The following PIK3R5 variants were observed in gnomAD, a reference collection of about 807,000 sequenced individuals.
PIK3R5 encodes the protein phosphoinositide 3-kinase regulatory subunit 5.
Under a neutral mutation model 94.9 loss-of-function variants are expected in PIK3R5, and 32 were observed. The ratio of observed to expected loss-of-function variants is 0.34; its 90% confidence interval spans 0.25 to 0.45. PIK3R5 has a LOEUF of 0.45. PIK3R5 is among the 20% of genes least tolerant of loss of function. PIK3R5 has a pLI of 1.00. For missense variants in PIK3R5, 853 were observed against 1,144.6 expected (o/e 0.75, Z 3.68); for synonymous variants, 443 against 479.4 (o/e 0.92, Z 0.99).
chr17:8,898,075 C>T, intron 5 of PIK3R5, among the ~76,000 whole-genome samples: 1 of 152,204 alleles, frequency 6.6e-6, no homozygotes, highest in East Asian at 1.9e-4. Flanking sequence ...TTCTGGAACA[C>T]CTGCCTCTAC....
intron 1 of PIK3R5, among the ~76,000 whole-genome samples, chr17:8,919,842 T>G (rs2090699522): frequency 1.3e-5 from 2 of 150,522 alleles, no homozygotes; most frequent in Non-Finnish European, 1.5e-5. Context: ...TCTCCTCTCC[T>G]TCTCTCTCTC....
Position 8,890,159 on chromosome 17 carries a change from T to G in PIK3R5, c.658-33A>C. 1 of 1,609,394 alleles carries G rather than the reference T, an allele frequency of 6.2e-7. No homozygotes were observed. The highest frequency in any genetic ancestry group is 8.5e-7 in the Non-Finnish European group (1 of 1,177,214). On this transcript the variant is annotated intron_variant, in intron 7 of 18. Transcript: ENST00000447110. The surrounding 1 kb of genome is among the most constrained non-coding windows in gnomAD (Gnocchi z 6.1). Reference sequence around the variant, plus strand: ...CCCAGGAGGAGATGGGCTTTGCTCCTGGACCGTGAGCTAGCTGTCCACCTG... The same window carrying G: ...CCCAGGAGGAGATGGGCTTTGCTCCGGGACCGTGAGCTAGCTGTCCACCTG...
At chr17:8,895,199 A>T (rs931426197) in intron 5 of PIK3R5, among the ~76,000 whole-genome samples, 2 of 152,324 alleles carry the variant, frequency 1.3e-5, no homozygotes, top group South Asian at 4.1e-4. Context: ...TACCATAGCT[A>T]CCATAGCGGA....
At chr17:8,947,965 C>A (rs1301792723) in intron 1 of PIK3R5, among the ~76,000 whole-genome samples, 2 of 146,178 alleles carry the variant, frequency 1.4e-5, no homozygotes, top group Non-Finnish European at 1.5e-5. Context: ...ATGGTGTGAA[C>A]CCGGGAGGCG....
In PIK3R5 at chr17:8,911,652, C is replaced by T; in HGVS notation, c.-13-145G>A. 1 of 595,734 alleles carries T rather than the reference C, an allele frequency of 1.7e-6. No homozygotes were observed. The allele number at this position is 595,734 out of a possible 1,614,324, so 36.9% of individuals were successfully genotyped here. ...GGTGCTGTGGAAACAGGACCAGGGG[C>T]CTTACAGCTGCCTCCAGGGTAGGAA... is the stretch of plus-strand genomic sequence containing the variant. On this transcript the variant is annotated intron_variant, in intron 1 of 18. Coordinates refer to ENST00000447110, the MANE Select transcript of PIK3R5 (RefSeq NM_001142633.3). This position sits in a 1 kb window ranked among gnomAD's most constrained non-coding sequence, Gnocchi z 5.3.
chr17:8,916,704 T>C (rs1211565816), intron 1 of PIK3R5: 2 of 152,406 alleles, frequency 1.3e-5, no homozygotes, highest in Non-Finnish European at 2.9e-5. Flanking sequence ...CCACTTTTTC[T>C]TCCCATGTTG....
Position 8,890,801 on chromosome 17 carries a change from C to A in PIK3R5, c.594G>T (p.Leu198=), listed in dbSNP as rs757081899. The change falls in exon 7 of 19, where the codon CTG becomes CTT. Residue 198 remains leucine (L), a synonymous_variant. Coordinates refer to ENST00000447110, the MANE Select transcript of PIK3R5 (RefSeq NM_001142633.3). This position sits in a 1 kb window ranked among gnomAD's most constrained non-coding sequence, Gnocchi z 6.1. ...CCCCAAAGGTGGCCTGGAAGGCGTG[C>A]AGGAGCAGGGTGGTGTAGGCACTGT... is the stretch of plus-strand genomic sequence containing the variant. ...SPHSAYTTLL[L]HAFQATFGAH... The A allele has an allele frequency of 2.5e-5, 41 of 1,613,010 alleles. No homozygotes were observed. The highest frequency in any genetic ancestry group is 3.4e-5 in the Non-Finnish European group (40 of 1,179,658).
intron 1 of PIK3R5, among the ~76,000 whole-genome samples, chr17:8,917,441 G>A (rs1473672328): frequency 6.6e-6 from 1 of 152,210 alleles, no homozygotes; most frequent in African/African-American, 2.4e-5. Context: ...GGGAATGAAA[G>A]CACTAACTTC....
At position 8,889,158 on chromosome 17, in the gene PIK3R5, G is replaced by C; in HGVS notation, c.876C>G (p.Ser292Arg). ...PIPVARCYTY[S>R]WSQDSFDILQ... ...CCTTACCAAAGCTGTCCTGGCTCCAGCTGTAGGTGTAGCACCTGGCGACAG... is the reference window on the plus strand; with the variant it reads ...CCTTACCAAAGCTGTCCTGGCTCCACCTGTAGGTGTAGCACCTGGCGACAG... The change falls in exon 9 of 19, where the codon AGC (serine) becomes AGG (arginine). Residue 292 changes from serine (S) to arginine (R), a missense_variant. This residue lies in a region of PIK3R5 where 161 missense variants were observed against 249.5 expected (regional missense o/e 0.65). Coordinates refer to ENST00000447110, the MANE Select transcript of PIK3R5 (RefSeq NM_001142633.3). The surrounding 1 kb of genome is among the most constrained non-coding windows in gnomAD (Gnocchi z 4.1). 1 of 1,614,024 alleles carries C rather than the reference G, an allele frequency of 6.2e-7. No homozygotes were observed. Among genetic ancestry groups the C allele is most frequent in the Non-Finnish European group, 8.5e-7 (1 of 1,179,926 alleles).
Position 8,880,724 on chromosome 17 carries a change from G to A in PIK3R5, c.2558C>T (p.Pro853Leu). 1 of 1,613,980 alleles carries A rather than the reference G, an allele frequency of 6.2e-7. No homozygotes were observed. Among genetic ancestry groups the A allele is most frequent in the Non-Finnish European group, 8.5e-7 (1 of 1,179,908 alleles). The change falls in exon 19 of 19, where the codon CCT becomes CTT. Residue 853 changes from proline to leucine, a missense_variant. Physicochemically the swap from Pro to Leu is moderately conservative, Grantham distance 98. Transcript: ENST00000447110. ...TGCGGCCTGGGCCGGCAGGTCAGGAGGCGTCTGGGGTGGTGAGGAGAGGTC... is the reference window on the plus strand; with the variant it reads ...TGCGGCCTGGGCCGGCAGGTCAGGAAGCGTCTGGGGTGGTGAGGAGAGGTC... ...KSDLSSPPQT[P>L]PDLPAQAAPD...
chr17:8,893,757 C>T lies in PIK3R5; in HGVS notation c.413-102G>A. On this transcript the variant is annotated intron_variant, in intron 5 of 18. Transcript: ENST00000447110. This position sits in a 1 kb window ranked among gnomAD's most constrained non-coding sequence, Gnocchi z 5.1. ...GCACTGGACAATCAGGTTGGAAATTCCCGGATGGAGCTCAGGCGAACCTGC... is the reference window on the plus strand; with the variant it reads ...GCACTGGACAATCAGGTTGGAAATTTCCGGATGGAGCTCAGGCGAACCTGC... The T allele has an allele frequency of 1.1e-6, 1 of 896,348 alleles. No homozygotes were observed. Among genetic ancestry groups the T allele is most frequent in the Non-Finnish European group, 1.8e-6 (1 of 549,618 alleles). The allele number at this position is 896,348 out of a possible 1,614,324, so 55.5% of individuals were successfully genotyped here. A position where few individuals can be genotyped will look rare whatever the true frequency, so the allele number is the denominator to read the frequency against.
At chr17:8,919,148 AAG>A (rs2090683669) in intron 1 of PIK3R5, among the ~76,000 whole-genome samples, 2 of 152,332 alleles carry the variant, frequency 1.3e-5, no homozygotes, top group South Asian at 4.1e-4. Context: ...GTAGAACAGA[AAG>A]AGAACATTAG....
intron 1 of PIK3R5, among the ~76,000 whole-genome samples, chr17:8,951,251 T>C (rs1373883183): frequency 1.3e-5 from 2 of 152,208 alleles, no homozygotes; most frequent in African/African-American, 2.4e-5. Flanking sequence ...ATTCTGTAGG[T>C]TGTGTGTGTA....
intron 1 of PIK3R5, among the ~76,000 whole-genome samples, chr17:8,954,365 G>A (rs2091431328): frequency 1.3e-5 from 2 of 152,190 alleles, no homozygotes; most frequent in Admixed American, 1.3e-4. Flanking sequence ...GGTGATGTTC[G>A]AAGAATCTCC....
intron 5 of PIK3R5, among the ~76,000 whole-genome samples, chr17:8,902,918 G>T (rs2090319911): frequency 6.6e-6 from 1 of 150,784 alleles, no homozygotes; most frequent in Admixed American, 6.6e-5. Flanking sequence ...GATCTCGGAG[G>T]CACTTGAACC....
chr17:8,949,984 TACATTATTAAAAG>T (rs1364190364), intron 1 of PIK3R5, among the ~76,000 whole-genome samples: 6 of 152,220 alleles, frequency 3.9e-5, no homozygotes, highest in African/African-American at 1.4e-4. Context: ...ACATTCTCTA[TACATTATTAAAAG>T]ACAGTTTGTG....
At chr17:8,929,900 A>T (rs1347605779) in intron 1 of PIK3R5, among the ~76,000 whole-genome samples, 1 of 152,232 alleles carries the variant, frequency 6.6e-6, no homozygotes, top group African/African-American at 2.4e-5. Context: ...AAAATCCCAG[A>T]CTTAACAACT....
In PIK3R5 at chr17:8,889,173, C is replaced by T. The variant is rs768534293; in HGVS notation, c.861G>A (p.Arg287=). The change falls in exon 9 of 19, where the codon AGG becomes AGA. Residue 287 remains arginine (R), a synonymous_variant. Transcript: ENST00000447110. The surrounding 1 kb of genome is among the most constrained non-coding windows in gnomAD (Gnocchi z 4.1). ...CCTGGCTCCAGCTGTAGGTGTAGCA[C>T]CTGGCGACAGGGATGGGGATGGTGT... ...KLHTIPIPVA[R]CYTYSWSQDS... 100 of 1,613,940 alleles carry T rather than the reference C, an allele frequency of 6.2e-5. No individual in the cohort carries two copies. The highest frequency in any genetic ancestry group is 5.5e-4 in the South Asian group (50 of 91,086).
chr17:8,881,119 T>C lies in PIK3R5; in HGVS notation c.2383-102A>G. On this transcript the variant is annotated intron_variant, in intron 17 of 18. Coordinates refer to ENST00000447110, the MANE Select transcript of PIK3R5 (RefSeq NM_001142633.3). The surrounding 1 kb of genome is among the most constrained non-coding windows in gnomAD (Gnocchi z 4.8). ...AACTGCCCATCCACTTCTAGGGGTG[T>C]GGGAGGGCAGGGGTTTGTCTGACTG... 1.1e-6 allele frequency: 1 copy of C among 882,046 alleles called. No individual in the cohort carries two copies. 54.6% of individuals were successfully genotyped at this position (882,046 alleles called of 1,614,324 possible). A position where few individuals can be genotyped will look rare whatever the true frequency, so the allele number is the denominator to read the frequency against.
Sources: allele counts gnomAD v4.1 joint callset (sites outside exome capture counted in the v4.1 genomes callset), GRCh38; gene constraint gnomAD v4.1.1; regional missense constraint gnomAD v4.1.1; non-coding constraint Gnocchi (gnomAD v3.1); transcripts MANE v1.5; gene names NCBI Gene and HGNC (gene_info 2026-07-23, HGNC 2026-07-21).